Variants in C8B observed in about 807,000 individuals in gnomAD.
C8B encodes the protein complement component C8 beta chain.
C8B carries 67 observed loss-of-function variants against 64.6 expected under a neutral mutation model. The ratio of observed to expected loss-of-function variants is 1.04; its 90% CI spans 0.85 to 1.27. C8B has a LOEUF of 1.27. Among genes scored for constraint, C8B ranks in the 50% most tolerant of loss-of-function variants. The probability of loss-of-function intolerance (pLI) is 0.00; values close to 1 mark genes in which losing one functional copy is unlikely to be tolerated. For synonymous variants in C8B, 284 were observed against 257.7 expected (o/e 1.10, Z -0.98); for missense variants, 790 against 725.2 (o/e 1.09, Z -1.03).
chr1:56,960,308 T>G, intron 1 of C8B, 132 bp from the exon 2 acceptor site: 1 of 778,284 alleles, frequency 1.3e-6, no homozygotes, highest in Non-Finnish European at 2.2e-6. Context: ...CATTCCAGGA[T>G]AACCTATCCT....
chr1:56,942,344 G>A (rs542980516), intron 8 of C8B, among the ~76,000 whole-genome samples: 4 of 152,316 alleles, frequency 2.6e-5, no homozygotes, highest in South Asian at 2.1e-4. Context: ...TGCCCAGAAA[G>A]CCCTCAATCA....
intron 6 of C8B, among the ~76,000 whole-genome samples, chr1:56,947,859 A>C (rs1396285930): frequency 6.6e-6 from 1 of 152,040 alleles, no homozygotes; most frequent in Non-Finnish European, 1.5e-5. Context: ...TGAACCCGGG[A>C]GGTGGAGGTT....
intron 7 of C8B, among the ~76,000 whole-genome samples, chr1:56,944,487 T>A (rs1297165960): frequency 6.6e-6 from 1 of 152,164 alleles, no homozygotes; most frequent in Non-Finnish European, 1.5e-5. Context: ...TTGGTATAGA[T>A]CAGTTTTTCC....
intron 9 of C8B, among the ~76,000 whole-genome samples, chr1:56,939,550 A>T (rs622904): frequency 0.32 from 48,473 of 152,088 alleles, 8,272 homozygotes; most frequent in East Asian, 0.52. Flanking sequence ...CTGTACAGAC[A>T]TTAGCAAGAA....
intron 4 of C8B, among the ~76,000 whole-genome samples, chr1:56,952,428 T>A (rs1645036530): frequency 6.6e-6 from 1 of 152,156 alleles, no homozygotes; most frequent in African/African-American, 2.4e-5. Flanking sequence ...TGGTAGGTAC[T>A]GTTCCCTGCG....
In C8B at chr1:56,952,060, G is replaced by A; in HGVS notation, c.654C>T (p.Ser218=). ...TRFRKPYNVE[S]YTPQTQGKYE... is the part of the protein sequence containing the mutation. ...GGCTGTCTCTTACCTGTGGCGTGTA[G>A]CTTTCCACATTGTAGGGCTTCCTAA... The change falls in exon 5 of 12, where the codon AGC becomes AGT. Residue 218 remains serine, a synonymous_variant. Coordinates refer to ENST00000371237, the MANE Select transcript of C8B (RefSeq NM_000066.4). 6.2e-6 allele frequency: 10 copies of A among 1,614,118 alleles called. No homozygotes were observed. Among genetic ancestry groups the A allele is most frequent in the Non-Finnish European group, 8.5e-6 (10 of 1,180,018 alleles).
At position 56,952,354 on chromosome 1, in the gene C8B, C is replaced by A. The variant is rs139926004; in HGVS notation, c.534-174G>T. On this transcript the variant is annotated intron_variant, in intron 4 of 11. Transcript: ENST00000371237. ...TTATGGCCGCCCTTAACCACAGCCACGTGCCCTAGTCCCCAGCCATGTGAA... is the reference window on the plus strand; with the variant it reads ...TTATGGCCGCCCTTAACCACAGCCAAGTGCCCTAGTCCCCAGCCATGTGAA... Among the ~76,000 whole-genome samples, 4 of 152,364 alleles carry A rather than the reference C, an allele frequency of 2.6e-5. No individual in the cohort carries two copies. The East Asian group carries it at 7.7e-4, about 29-fold the overall frequency.
chr1:56,931,513 A>G (rs542365965), intron 11 of C8B: 177 of 376,156 alleles, frequency 4.7e-4, no homozygotes, highest in Admixed American at 1.0e-3. Context: ...ATAGCAGTAT[A>G]CTAAGCAGGA....
At chr1:56,962,496 C>A (rs988409712) in intron 1 of C8B, among the ~76,000 whole-genome samples, 21 of 152,270 alleles carry the variant, frequency 1.4e-4, no homozygotes, top group African/African-American at 5.1e-4. Context: ...CTATGGATTT[C>A]TATAGAAACA....
At chr1:56,951,360 T>C (rs1440563057) in intron 5 of C8B, among the ~76,000 whole-genome samples, 4 of 152,094 alleles carry the variant, frequency 2.6e-5, no homozygotes, top group Non-Finnish European at 5.9e-5. Context: ...TAACCTAAGG[T>C]AAAATTGGGA....
chr1:56,955,146 T>C (rs1645084037), intron 3 of C8B, among the ~76,000 whole-genome samples: 1 of 152,188 alleles, frequency 6.6e-6, no homozygotes, highest in African/African-American at 2.4e-5. Flanking sequence ...TTTTCTCTTG[T>C]TACTTAACCT....
chr1:56,948,737 A>G (rs1156493075), intron 6 of C8B, among the ~76,000 whole-genome samples: 1 of 152,172 alleles, frequency 6.6e-6, no homozygotes, highest in East Asian at 1.9e-4. Context: ...AGAAAGCAGG[A>G]GAAACAGGAG....
intron 8 of C8B, among the ~76,000 whole-genome samples, chr1:56,942,744 A>G (rs1027123303): frequency 2.0e-5 from 3 of 151,830 alleles, no homozygotes; most frequent in Non-Finnish European, 4.4e-5. Flanking sequence ...CTCAAGTCTG[A>G]GCCTGCAACA....
intron 3 of C8B, among the ~76,000 whole-genome samples, chr1:56,955,610 G>A (rs571897290): frequency 1.3e-5 from 2 of 152,130 alleles, no homozygotes; most frequent in African/African-American, 4.8e-5. Context: ...GCCTTCAAAT[G>A]TTTCTTACCA....
At chr1:56,962,920 C>A (rs1289485152) in intron 1 of C8B, among the ~76,000 whole-genome samples, 1 of 152,202 alleles carries the variant, frequency 6.6e-6, no homozygotes, top group Non-Finnish European at 1.5e-5. Flanking sequence ...CTGAAGTTAT[C>A]CATGTTGATT....
intron 1 of C8B, among the ~76,000 whole-genome samples, chr1:56,962,218 A>G (rs1645189608): frequency 6.6e-6 from 1 of 152,236 alleles, no homozygotes; most frequent in Non-Finnish European, 1.5e-5. Flanking sequence ...CTTGGTAAAA[A>G]GTAGTTATAT....
chr1:56,943,218 A>G (rs1437490212), intron 8 of C8B, among the ~76,000 whole-genome samples: 1 of 152,218 alleles, frequency 6.6e-6, no homozygotes, highest in African/African-American at 2.4e-5. Flanking sequence ...GAAAAAGCAC[A>G]CCCTCTAAAA....
chr1:56,949,827 C>A, intron 5 of C8B, 75 bp from the exon 6 acceptor site: 1 of 994,896 alleles, frequency 1.0e-6, no homozygotes, highest in Non-Finnish European at 1.5e-6. Context: ...CAGACAGCCA[C>A]TCTACTCCTA....
At chr1:56,952,924 T>C (rs1645047136) in intron 4 of C8B, among the ~76,000 whole-genome samples, 1 of 152,216 alleles carries the variant, frequency 6.6e-6, no homozygotes, top group Non-Finnish European at 1.5e-5. Flanking sequence ...TCACCCTCAC[T>C]ATACTGTGTG....
Sources: gnomAD v4.1 joint callset for allele counts (sites outside exome capture counted in the v4.1 genomes callset) on GRCh38, gnomAD v4.1.1 for gene constraint, MANE v1.5 for transcripts, NCBI Gene and HGNC (gene_info 2026-07-23, HGNC 2026-07-21) for gene names.